The following CACNA1C variants were observed in gnomAD, a reference collection of about 807,000 sequenced individuals.
The protein encoded by CACNA1C is voltage-dependent L-type calcium channel subunit alpha-1C.
In CACNA1C, 30 loss-of-function variants were observed where a neutral mutation model predicts 229.0. The observed-to-expected ratio is 0.13, with a 90% confidence interval of 0.10 to 0.18. The LOEUF is 0.18. Ranked by LOEUF, CACNA1C falls within the 10% of genes least tolerant of loss-of-function variation. The pLI, the probability that CACNA1C is intolerant of heterozygous loss-of-function variation, is 1.00. For missense variants in CACNA1C, 1,658 were observed against 2,845.0 expected (o/e 0.58, Z 9.49); for synonymous variants, 1,114 against 1,132.5 (o/e 0.98, Z 0.33).
intron 3 of CACNA1C, among the ~76,000 whole-genome samples, chr12:2,246,800 G>T (rs2073481370): frequency 6.6e-6 from 1 of 152,140 alleles, no homozygotes; most frequent in Non-Finnish European, 1.5e-5. Flanking sequence ...CTGGCACATT[G>T]GCCAAGGTTG....
rs568355569 is a variant in CACNA1C at position 2,171,199 on chromosome 12, G to A, written c.477+50769G>A. ...CAGCCTGACCTGTCAGGGCGATACA[G>A]TCTGTAGCTGTTTGGCCAGAGTGAG... On this transcript the variant is annotated intron_variant, in intron 3 of 46. Coordinates refer to ENST00000399655, the MANE Select transcript of CACNA1C (RefSeq NM_000719.7). Among the ~76,000 whole-genome samples, 35 of 152,330 alleles carry A rather than the reference G, an allele frequency of 2.3e-4. No homozygotes were observed. In the East Asian group the frequency reaches 3.3e-3, roughly 14 times the overall value.
chr12:2,375,047 CCAG>C (rs1244593792), intron 3 of CACNA1C, among the ~76,000 whole-genome samples: 3 of 152,186 alleles, frequency 2.0e-5, no homozygotes, highest in African/African-American at 7.2e-5. Context: ...GATTATTGCT[CCAG>C]TTTTCAGATG....
intron 3 of CACNA1C, among the ~76,000 whole-genome samples, chr12:2,424,334 A>C (rs911573391): frequency 1.3e-5 from 2 of 152,174 alleles, no homozygotes; most frequent in African/African-American, 4.8e-5. Flanking sequence ...AAGAAAAAGC[A>C]AGCGGGGAGA....
Position 2,486,929 on chromosome 12 carries a change from C to T in CACNA1C, c.916+667C>T, listed in dbSNP as rs1252214385. Among the ~76,000 whole-genome samples the T allele has an allele frequency of 6.6e-6, 1 of 152,200 alleles. No homozygotes were observed. Among genetic ancestry groups the T allele is most frequent in the Non-Finnish European group, 1.5e-5 (1 of 68,026 alleles). ...GTCCCTTCCTTTTTGAGCCTTCCCACTTCACGTTCCTTCCATAAATCAATA... is the reference window on the plus strand; with the variant it reads ...GTCCCTTCCTTTTTGAGCCTTCCCATTTCACGTTCCTTCCATAAATCAATA... On this transcript the variant is annotated intron_variant, in intron 6 of 46. Transcript: ENST00000399655. The surrounding 1 kb of genome is among the most constrained non-coding windows in gnomAD (Gnocchi z 4.9).
chr12:2,299,901 G>C (rs972470473), intron 3 of CACNA1C, among the ~76,000 whole-genome samples: 1 of 152,194 alleles, frequency 6.6e-6, no homozygotes, highest in African/African-American at 2.4e-5. Context: ...TGCTTCCTAA[G>C]AGTGTTTCGA....
At chr12:2,244,808 T>C (rs2072313175) in intron 3 of CACNA1C, among the ~76,000 whole-genome samples, 2 of 152,260 alleles carry the variant, frequency 1.3e-5, no homozygotes, top group African/African-American at 4.8e-5. Flanking sequence ...AGTTTAATGT[T>C]AATAAACAGG....
intron 1 of CACNA1C, among the ~76,000 whole-genome samples, chr12:2,114,788 C>T (rs902362139): frequency 2.0e-5 from 3 of 152,172 alleles, no homozygotes; most frequent in Non-Finnish European, 4.4e-5. Context: ...CCTCCTTGCC[C>T]CTGTATCTTA....
In CACNA1C at chr12:2,694,675, T is replaced by A. The variant is rs2097823942; in HGVS notation, c.*3476T>A. 1 of 152,246 alleles carries A rather than the reference T, an allele frequency of 6.6e-6. No homozygotes were observed. Among genetic ancestry groups the A allele is most frequent in the Non-Finnish European group, 1.5e-5 (1 of 68,052 alleles). The allele number at this position is 152,246 out of a possible 1,614,324, so 9.4% of individuals were successfully genotyped here. On this transcript the variant is annotated 3_prime_UTR_variant, in exon 47 of 47. Transcript: ENST00000399655. The stretch of plus-strand genomic sequence containing the variant: ...AGCTACCCGTTACTTTCTCCCAGCT[T>A]TTCTCCACCCAGCATGTCTCCTGCC...
rs561654108 is a variant in CACNA1C at position 2,633,566 on chromosome 12, C to G, written c.3829-731C>G. The G allele has an allele frequency of 1.1e-6, 1 of 942,636 alleles. No individual in the cohort carries two copies. Among genetic ancestry groups the G allele is most frequent in the Non-Finnish European group, 1.8e-6 (1 of 570,198 alleles). The allele number at this position is 942,636 out of a possible 1,614,324, so 58.4% of individuals were successfully genotyped here. On this transcript the variant is annotated intron_variant, in intron 29 of 46. Transcript: ENST00000399655. The surrounding 1 kb of genome is among the most constrained non-coding windows in gnomAD (Gnocchi z 5.8). Reference sequence around the variant, plus strand: ...GACGATGATTCTGATGGTGGTGTTGCTCTGTTCTTGTCTGTCTAATATTCC... The same window carrying G: ...GACGATGATTCTGATGGTGGTGTTGGTCTGTTCTTGTCTGTCTAATATTCC...
chr12:2,055,125 G>A (rs182717946), intron 1 of CACNA1C, among the ~76,000 whole-genome samples: 13 of 152,346 alleles, frequency 8.5e-5, no homozygotes, highest in African/African-American at 3.1e-4. Context: ...GTGAGCCAGA[G>A]CTTTGGGGTC....
intron 3 of CACNA1C, among the ~76,000 whole-genome samples, chr12:2,247,137 AC>A (rs2154380931): frequency 6.6e-6 from 1 of 152,182 alleles, no homozygotes; most frequent in South Asian, 2.1e-4. Flanking sequence ...TCCAGTTTTC[AC>A]CCTGATTATC....
At chr12:2,038,701 GC>G (rs1419242844) in intron 1 of CACNA1C, among the ~76,000 whole-genome samples, 4 of 152,202 alleles carry the variant, frequency 2.6e-5, no homozygotes, top group African/African-American at 9.7e-5. Flanking sequence ...TTGCCGGGCA[GC>G]TTTGACATGT....
At chr12:2,674,711 C>A in intron 39 of CACNA1C, 69 bp downstream of exon 39, 1 of 1,386,436 alleles carries the variant, frequency 7.2e-7, no homozygotes, top group Non-Finnish European at 9.9e-7. Flanking sequence ...TGCCTCTCCT[C>A]CAGCTGTGGC....
intron 1 of CACNA1C, among the ~76,000 whole-genome samples, chr12:2,043,642 C>CTTTTTTTTTT (rs67625680): frequency 1.1e-5 from 1 of 91,382 alleles, no homozygotes; most frequent in African/African-American, 4.6e-5. Flanking sequence ...ACAGAATATT[C>CTTTTTTTTTT]TTTTTTTTTT....
intron 3 of CACNA1C, among the ~76,000 whole-genome samples, chr12:2,376,231 A>G (rs558137644): frequency 2.0e-5 from 3 of 152,178 alleles, no homozygotes; most frequent in Non-Finnish European, 4.4e-5. Context: ...GACACTCTAG[A>G]TCAGAAGTCC....
At chr12:2,582,309 A>C (rs75386905) in intron 14 of CACNA1C, among the ~76,000 whole-genome samples, 1 of 152,152 alleles carries the variant, frequency 6.6e-6, no homozygotes, top group Non-Finnish European at 1.5e-5. Flanking sequence ...TAGCCCATCA[A>C]ATTTGTGATT....
intron 42 of CACNA1C, chr12:2,680,531 A>G (rs758460962): frequency 2.5e-6 from 4 of 1,574,232 alleles, no homozygotes; most frequent in South Asian, 1.2e-5. Context: ...CTTCCAGAGT[A>G]GGAGAGTGGC....
intron 3 of CACNA1C, among the ~76,000 whole-genome samples, chr12:2,262,587 G>A (rs1277231289): frequency 2.0e-5 from 3 of 152,208 alleles, no homozygotes; most frequent in Non-Finnish European, 4.4e-5. Flanking sequence ...ACCAAGAGCT[G>A]TGGGCAGAAC....
At chr12:2,445,324 T>C (rs1429201199) in intron 3 of CACNA1C, among the ~76,000 whole-genome samples, 1 of 152,246 alleles carries the variant, frequency 6.6e-6, no homozygotes, top group African/African-American at 2.4e-5. Context: ...CCATTTGCCC[T>C]GCATTGTACC....
Sources: allele counts gnomAD v4.1 joint callset (sites outside exome capture counted in the v4.1 genomes callset), GRCh38; gene constraint gnomAD v4.1.1; non-coding constraint Gnocchi (gnomAD v3.1); transcripts MANE v1.5; gene names NCBI Gene and HGNC (gene_info 2026-07-23, HGNC 2026-07-21).